The following BCAR3 variants were observed in gnomAD, a reference collection of about 807,000 sequenced individuals.
BCAR3 encodes the protein breast cancer anti-estrogen resistance protein 3.
In BCAR3, 37 loss-of-function variants were observed where a neutral mutation model predicts 80.1. The ratio of observed to expected loss-of-function variants is 0.46; its 90% CI spans 0.36 to 0.61. The LOEUF is 0.61. Among genes scored for constraint, BCAR3 ranks in the 20% least tolerant of loss-of-function variants. The probability of loss-of-function intolerance (pLI) is 0.00; values close to 1 mark genes in which losing one functional copy is unlikely to be tolerated. For missense variants in BCAR3, 978 were observed against 1,068.2 expected, an observed-to-expected ratio of 0.92 and a Z score of 1.18; for synonymous variants, 389 against 418.9, an observed-to-expected ratio of 0.93 and a Z score of 0.87.
chr1:93,815,046 T>C (rs994523637), intron 2 of BCAR3, among the ~76,000 whole-genome samples: 7 of 152,212 alleles, frequency 4.6e-5, no homozygotes, highest in African/African-American at 1.7e-4. Context: ...GTTAGGGCTA[T>C]ATGGAGAGCA....
At chr1:93,628,572 C>T (rs1280682826) in intron 3 of BCAR3, among the ~76,000 whole-genome samples, 1 of 152,206 alleles carries the variant, frequency 6.6e-6, no homozygotes, top group Non-Finnish European at 1.5e-5. Context: ...TGCCCTTCTT[C>T]TTCCCCTTAG....
intron 2 of BCAR3, among the ~76,000 whole-genome samples, chr1:93,783,568 AT>A (rs1350951162): frequency 1.3e-5 from 2 of 151,638 alleles, no homozygotes; most frequent in Admixed American, 1.3e-4. Context: ...GTAGCAAATA[AT>A]TGCAATGAAA....
In BCAR3 at chr1:93,785,911, C is replaced by CAT. The variant is rs1418657193; in HGVS notation, c.-63+59655_-63+59656insAT. Among the ~76,000 whole-genome samples the CAT allele has an allele frequency of 8.2e-5, 12 of 146,522 alleles. 1 individual carries two copies. The highest frequency in any genetic ancestry group is 2.1e-4 in the African/African-American group (8 of 37,332). The stretch of plus-strand genomic sequence containing the variant: ...CAAAGCTAGTAAGTCATAAAAGTGC[C>CAT]GGCCGGGCGCGGTGGCTCACGCCTG... On this transcript the variant is annotated intron_variant, in intron 2 of 13. Coordinates refer to the BCAR3 transcript ENST00000370244.
At chr1:93,748,788 T>C (rs1318463894) in intron 2 of BCAR3, among the ~76,000 whole-genome samples, 1 of 152,212 alleles carries the variant, frequency 6.6e-6, no homozygotes, top group African/African-American at 2.4e-5. Flanking sequence ...CTTGACATAA[T>C]GTTGTATACA....
rs182384024 is a variant in BCAR3, at chr1:93,571,655, T to A, written c.1974+15A>T. The A allele has an allele frequency of 5.6e-6, 9 of 1,613,764 alleles. No individual in the cohort carries two copies. In the Admixed American group the frequency reaches 1.2e-4, roughly 21 times the overall value. On this transcript the variant is annotated intron_variant, in intron 9 of 11. Coordinates refer to ENST00000260502, the MANE Select transcript of BCAR3 (RefSeq NM_003567.4). ...TACAGAACATTAAGTACACATAAAGTAATTGGAAATTTACCTGTGGCATTT... is the reference window on the plus strand; with the variant it reads ...TACAGAACATTAAGTACACATAAAGAAATTGGAAATTTACCTGTGGCATTT...
At chr1:93,758,778 G>A (rs1651831941) in intron 2 of BCAR3, among the ~76,000 whole-genome samples, 1 of 152,174 alleles carries the variant, frequency 6.6e-6, no homozygotes. Flanking sequence ...CACCCCCTGG[G>A]TATCACTGCC....
rs565180569 is a variant in BCAR3, at chr1:93,747,765, C to T, written c.-62-41623G>A. On this transcript the variant is annotated intron_variant, in intron 2 of 13. Coordinates refer to the BCAR3 transcript ENST00000370244. ...ATTGCTTTGAGGATAAAATCTAAAC[C>T]CTTTAGCATGACACTCAGGTTCCAT... 9.9e-5 allele frequency among the ~76,000 whole-genome samples: 15 copies of T among 151,794 alleles called. 2 individuals carry two copies. The highest frequency in any genetic ancestry group is 3.4e-4 in the African/African-American group (14 of 41,074).
chr1:93,647,737 G>T (rs1054367106), intron 2 of BCAR3, among the ~76,000 whole-genome samples: 15 of 152,166 alleles, frequency 9.9e-5, no homozygotes, highest in Non-Finnish European at 1.6e-4. Flanking sequence ...TGGCATCTGA[G>T]ACCAGCTGTA....
chr1:93,722,050 T>C (rs1430958275), intron 2 of BCAR3, among the ~76,000 whole-genome samples: 6 of 152,108 alleles, frequency 3.9e-5, no homozygotes, highest in African/African-American at 7.2e-5. Flanking sequence ...CCTGAGTGCA[T>C]AGGGAGACAA....
chr1:93,614,972 T>C (rs963449712), intron 3 of BCAR3, among the ~76,000 whole-genome samples: 1 of 151,262 alleles, frequency 6.6e-6, no homozygotes, highest in Non-Finnish European at 1.5e-5. Flanking sequence ...GCTTTTCCCT[T>C]CATTCCAGTT....
chr1:93,607,050 G>T (rs1385947610), intron 3 of BCAR3, among the ~76,000 whole-genome samples: 2 of 152,178 alleles, frequency 1.3e-5, no homozygotes, highest in Non-Finnish European at 2.9e-5. Flanking sequence ...GAGAGTTTAT[G>T]CATGTATGAT....
chr1:93,739,570 G>A (rs1437677786), intron 2 of BCAR3, among the ~76,000 whole-genome samples: 2 of 152,166 alleles, frequency 1.3e-5, no homozygotes, highest in African/African-American at 4.8e-5. Flanking sequence ...GCCCTGAGCT[G>A]GAAGGATCCC....
chr1:93,681,994 C>G (rs1648803716), upstream of BCAR3, among the ~76,000 whole-genome samples: 1 of 152,130 alleles, frequency 6.6e-6, no homozygotes, highest in Non-Finnish European at 1.5e-5. Context: ...GAGTTTGGCT[C>G]TCTTCGTATC....
intron 2 of BCAR3, among the ~76,000 whole-genome samples, chr1:93,832,789 T>A (rs572535079): frequency 1.4e-4 from 22 of 152,274 alleles, no homozygotes; most frequent in Non-Finnish European, 2.5e-4. Flanking sequence ...TTTTTAGTTA[T>A]CCCCACCTGC....
chr1:93,797,047 T>C (rs1279528134), intron 2 of BCAR3, among the ~76,000 whole-genome samples: 3 of 152,190 alleles, frequency 2.0e-5, no homozygotes, highest in African/African-American at 4.8e-5. Context: ...AGAGGGCCCA[T>C]ATGTTTTCCA....
intron 2 of BCAR3, chr1:93,723,494 G>A (rs935231746): frequency 6.6e-6 from 1 of 152,450 alleles, no homozygotes; most frequent in African/African-American, 2.4e-5. Context: ...CCTCGCTCCA[G>A]GGTCCTCAGG....
At chr1:93,593,728 AAACAACAACAAC>A (rs112457260) in intron 3 of BCAR3, among the ~76,000 whole-genome samples, 1 of 151,180 alleles carries the variant, frequency 6.6e-6, no homozygotes, top group Non-Finnish European at 1.5e-5. Context: ...CTTTTCCACC[AAACAACAACAAC>A]AACAACAACA....
chr1:93,824,216 A>G (rs61782409), intron 2 of BCAR3, among the ~76,000 whole-genome samples: 14,197 of 133,458 alleles, frequency 0.11, 3,315 homozygotes, highest in South Asian at 0.18. Context: ...CATCTTGCCT[A>G]AAGTGCCTCC....
chr1:93,695,788 A>T (rs1649369180), intron 3 of BCAR3, among the ~76,000 whole-genome samples: 1 of 152,144 alleles, frequency 6.6e-6, no homozygotes, highest in African/African-American at 2.4e-5. Flanking sequence ...AACTTGTGTT[A>T]CTTGGCTTTT....
Sources: allele counts gnomAD v4.1 joint callset (sites outside exome capture counted in the v4.1 genomes callset), GRCh38; gene constraint gnomAD v4.1.1; transcripts MANE v1.5; gene names NCBI Gene and HGNC (gene_info 2026-07-23, HGNC 2026-07-21).